Variants in ABCD2 observed in about 807,000 individuals in gnomAD.
The protein encoded by ABCD2 is ATP-binding cassette sub-family D member 2.
Under a neutral mutation model 70.9 loss-of-function variants are expected in ABCD2, and 36 were observed. That is an observed-to-expected ratio of 0.51 (90% confidence interval 0.39 to 0.67). The LOEUF is 0.67. ABCD2 is among the 30% of genes least tolerant of loss of function. The pLI is 0.00. For missense variants in ABCD2, 729 were observed against 890.2 expected, an observed-to-expected ratio of 0.82 and a Z score of 2.30; for synonymous variants, 304 against 306.9, an observed-to-expected ratio of 0.99 and a Z score of 0.10.
intron 3 of ABCD2, 76 bp downstream of exon 3, chr12:39,607,523 A>G: frequency 2.5e-6 from 3 of 1,210,170 alleles, no homozygotes; most frequent in Non-Finnish European, 2.4e-6. Context: ...AATACTAAGT[A>G]TACTTGGTAA....
At chr12:39,618,316 AAT>A (rs1288789532) in intron 1 of ABCD2, among the ~76,000 whole-genome samples, 1 of 152,192 alleles carries the variant, frequency 6.6e-6, no homozygotes, top group Non-Finnish European at 1.5e-5. Context: ...TTAGTTTCTA[AAT>A]ATATATTTTC....
the ABCD2 span, among the ~76,000 whole-genome samples, chr12:39,535,727 C>T: frequency 6.6e-6 from 1 of 152,158 alleles, no homozygotes; most frequent in Non-Finnish European, 1.5e-5. Flanking sequence ...CTAAAATATA[C>T]ACAAACTATG....
rs369038610 is a variant in ABCD2 at position 39,619,409 on chromosome 12, G to A, written c.207C>T (p.Thr69=). 95 of 1,614,054 alleles carry A rather than the reference G, an allele frequency of 5.9e-5. No individual in the cohort carries two copies. Among genetic ancestry groups the A allele is most frequent in the East Asian group, 8.9e-5 (4 of 44,866 alleles). The part of the protein sequence containing the change: ...AAENTEILHC[T]ETICEKPSPG... The stretch of plus-strand genomic sequence containing the variant: ...GCGAAGGTTTTTCACAAATGGTCTC[G>A]GTGCAATGCAGTATTTCTGTGTTCT... The change falls in exon 1 of 10, where the codon ACC becomes ACT. Residue 69 remains threonine, a synonymous_variant. Transcript: ENST00000308666.
intron 6 of ABCD2, among the ~76,000 whole-genome samples, chr12:39,594,964 C>A (rs1013277544): frequency 6.6e-6 from 1 of 151,818 alleles, no homozygotes; most frequent in African/African-American, 2.4e-5. Flanking sequence ...AAAAATTAGC[C>A]GTGCATGGTG....
intron 8 of ABCD2, among the ~76,000 whole-genome samples, chr12:39,578,210 T>C (rs1021063380): frequency 1.1e-4 from 17 of 152,148 alleles, no homozygotes; most frequent in Non-Finnish European, 1.9e-4. Context: ...TGAGGTGGCT[T>C]ACGCCTGTAA....
chr12:39,538,152 A>G, the ABCD2 span, among the ~76,000 whole-genome samples: 1 of 149,478 alleles, frequency 6.7e-6, no homozygotes, highest in Non-Finnish European at 1.5e-5. Context: ...TGTGGAGTGT[A>G]CTTTCATTTT....
chr12:39,586,099 C>G, intron 7 of ABCD2, 53 bp downstream of exon 7: 1 of 1,510,300 alleles, frequency 6.6e-7, no homozygotes. Context: ...TATACCCAAG[C>G]TTACTTTTTA....
chr12:39,531,619 T>G, the ABCD2 span, among the ~76,000 whole-genome samples: 1 of 152,370 alleles, frequency 6.6e-6, no homozygotes, highest in East Asian at 1.9e-4. Context: ...ACCTTTTACA[T>G]TATAAAGAAA....
At chr12:39,562,989 A>G (rs1346688651) in intron 9 of ABCD2, among the ~76,000 whole-genome samples, 1 of 152,214 alleles carries the variant, frequency 6.6e-6, no homozygotes, top group Middle Eastern at 3.2e-3. Flanking sequence ...TTCATCCTGG[A>G]GATGCAAGAA....
intron 9 of ABCD2, among the ~76,000 whole-genome samples, chr12:39,559,473 A>G (rs1591965741): frequency 6.6e-6 from 1 of 151,744 alleles, no homozygotes; most frequent in African/African-American, 2.4e-5. Flanking sequence ...TATTTAAATA[A>G]ATCATAGCAG....
intron 2 of ABCD2, among the ~76,000 whole-genome samples, chr12:39,609,011 A>T (rs1395938792): frequency 1.3e-5 from 2 of 152,128 alleles, no homozygotes; most frequent in Non-Finnish European, 2.9e-5. Flanking sequence ...TCCTTCTTTA[A>T]GAGTTAACAC....
Position 39,619,803 on chromosome 12 carries a change from T to C in ABCD2, c.-188A>G, listed in dbSNP as rs1482815341. The C allele has an allele frequency of 3.4e-6, 2 of 581,698 alleles. No homozygotes were observed. Among genetic ancestry groups the C allele is most frequent in the Non-Finnish European group, 6.0e-6 (2 of 333,764 alleles). 36.0% of individuals were successfully genotyped at this position (581,698 alleles called of 1,614,324 possible). On this transcript the variant is annotated 5_prime_UTR_variant, in exon 1 of 10. Coordinates refer to ENST00000308666, the MANE Select transcript of ABCD2 (RefSeq NM_005164.4). The stretch of plus-strand genomic sequence containing the variant: ...AGCAGAGCTCAGACTCCGCTGCATC[T>C]ACCGGGAATGATTCTCTCAGAAGCT...
chr12:39,570,741 A>T (rs1223719083), intron 9 of ABCD2, among the ~76,000 whole-genome samples: 1 of 152,176 alleles, frequency 6.6e-6, no homozygotes, highest in Non-Finnish European at 1.5e-5. Context: ...CAAAAGTAAA[A>T]ATAGACAAAT....
In ABCD2 at chr12:39,618,677, C is replaced by A; in HGVS notation, c.939G>T (p.Lys313Asn). ...VEEIAFYRGH[K>N]VEMKQLQKSY... ...CCCATCACCTTAATTTCTATCTTAC[C>A]TTATGTCCTCTGTAAAAGGCAATTT... is the stretch of plus-strand genomic sequence containing the variant. Residue 313 changes from lysine to asparagine, a missense_variant and splice_region_variant, in exon 1 of 10, where the codon AAG becomes AAT. Around this residue, in one of 3 missense-constraint regions of ABCD2, gnomAD observed 195 missense variants for 300.2 expected, o/e 0.65. Coordinates refer to ENST00000308666, the MANE Select transcript of ABCD2 (RefSeq NM_005164.4). 6.2e-7 allele frequency: 1 copy of A among 1,610,788 alleles called. No homozygotes were observed. Among genetic ancestry groups the A allele is most frequent in the Non-Finnish European group, 8.5e-7 (1 of 1,178,554 alleles).
At chr12:39,616,254 T>C (rs751083728) in intron 2 of ABCD2, among the ~76,000 whole-genome samples, 7 of 152,172 alleles carry the variant, frequency 4.6e-5, no homozygotes, top group Non-Finnish European at 1.0e-4. Flanking sequence ...CCAATTAAGA[T>C]CCAAGCTCCC....
intron 9 of ABCD2, among the ~76,000 whole-genome samples, chr12:39,568,988 T>C (rs1190974585): frequency 6.6e-6 from 1 of 152,130 alleles, no homozygotes; most frequent in Non-Finnish European, 1.5e-5. Context: ...TCCTCTGGAA[T>C]TTTTTTCTCA....
chr12:39,596,531 T>C (rs1320671416), intron 6 of ABCD2, among the ~76,000 whole-genome samples: 3 of 152,210 alleles, frequency 2.0e-5, no homozygotes, highest in African/African-American at 4.8e-5. Context: ...TTTAATTCTA[T>C]ACTTATATAT....
rs911647799 is a variant in ABCD2, at chr12:39,552,091, G to A, written c.*1821C>T. 2 of 151,756 alleles carry A rather than the reference G, an allele frequency of 1.3e-5. No homozygotes were observed. The highest frequency in any genetic ancestry group is 3.0e-5 in the Non-Finnish European group (2 of 67,784). The allele number at this position is 151,756 out of a possible 1,614,324, so 9.4% of individuals were successfully genotyped here. On this transcript the variant is annotated 3_prime_UTR_variant, in exon 10 of 10. Coordinates refer to ENST00000308666, the MANE Select transcript of ABCD2 (RefSeq NM_005164.4). The stretch of plus-strand genomic sequence containing the variant: ...AATTCCTGCCTCACTTTTCTAACAG[G>A]AAATATTAGTAACTGATGAATAAGT...
At position 39,573,676 on chromosome 12, in the gene ABCD2, GA is replaced by G. The variant is rs751609568; in HGVS notation, c.2003+39del. 8.9e-6 allele frequency: 14 copies of G among 1,578,360 alleles called. No individual in the cohort carries two copies. The South Asian group carries it at 1.1e-4, about 12-fold the overall frequency. On this transcript the variant is annotated intron_variant, in intron 9 of 9. Transcript: ENST00000308666. ...AAAGTTATTTTTTGAGAAATTTAAG[GA>G]AAAACCATCTACCACAAATTAGCAC...
Sources: gnomAD v4.1 joint callset for allele counts (sites outside exome capture counted in the v4.1 genomes callset) on GRCh38, gnomAD v4.1.1 for gene constraint, gnomAD v4.1.1 regional missense constraint, MANE v1.5 for transcripts, NCBI Gene and HGNC (gene_info 2026-07-23, HGNC 2026-07-21) for gene names.